The following UBAP1 variants were observed in gnomAD, a reference collection of about 807,000 sequenced individuals.
UBAP1 encodes the protein ubiquitin-associated protein 1.
In UBAP1, 5 loss-of-function variants were observed where a neutral mutation model predicts 39.0. The ratio of observed to expected loss-of-function variants is 0.13; its 90% CI spans 0.07 to 0.27. UBAP1 has a LOEUF of 0.27. Ranked by LOEUF, UBAP1 falls within the 10% of genes least tolerant of loss-of-function variation. UBAP1 has a pLI of 1.00. For synonymous variants in UBAP1, 211 were observed against 225.1 expected, an observed-to-expected ratio of 0.94 and a Z score of 0.56; for missense variants, 490 against 608.1, an observed-to-expected ratio of 0.81 and a Z score of 2.04.
At chr9:34,242,255 T>G in intron 4 of UBAP1, 147 bp downstream of exon 4, 1 of 800,900 alleles carries the variant, frequency 1.2e-6, no homozygotes, top group Non-Finnish European at 1.9e-6. Flanking sequence ...TACCTTATTG[T>G]AGCCTCGACC....
chr9:34,226,456 T>G (rs1306185297), intron 2 of UBAP1, among the ~76,000 whole-genome samples: 1 of 152,128 alleles, frequency 6.6e-6, no homozygotes, highest in African/African-American at 2.4e-5. Context: ...AGGCTGGTTT[T>G]GAACTCTTGA....
rs562859011 is a variant in UBAP1, at chr9:34,235,893, C to G, written c.159+1553C>G. 5.3e-5 allele frequency among the ~76,000 whole-genome samples: 8 copies of G among 149,990 alleles called. No homozygotes were observed. The East Asian group carries it at 1.6e-3, about 29-fold the overall frequency. On this transcript the variant is annotated intron_variant, in intron 3 of 6. Transcript: ENST00000297661. ...TGTTGCCCAGGCTGGAGTGCAATGG[C>G]GCGATCTCGTCAAGAAGAGAGACTC... is the stretch of plus-strand genomic sequence containing the variant.
chr9:34,224,027 A>G, intron 2 of UBAP1: 1 of 510,886 alleles, frequency 2.0e-6, no homozygotes, highest in South Asian at 3.3e-5. Context: ...ATAGAACTCC[A>G]ACTCCTTCCC....
At chr9:34,241,139 A>T (rs946501027) in intron 3 of UBAP1, 46 bp from the exon 4 acceptor site, 2 of 1,363,912 alleles carry the variant, frequency 1.5e-6, no homozygotes, top group East Asian at 5.0e-5. Context: ...TGGGGTAAAG[A>T]TGGCCACCTG....
At chr9:34,219,091 T>C (rs553480607) in intron 1 of UBAP1, among the ~76,000 whole-genome samples, 1 of 152,206 alleles carries the variant, frequency 6.6e-6, no homozygotes, top group African/African-American at 2.4e-5. Flanking sequence ...ATGGAAACTT[T>C]TTTTTTTTCT....
intron 4 of UBAP1, 43 bp from the exon 5 acceptor site, chr9:34,249,736 G>C (rs1217512167): frequency 6.3e-7 from 1 of 1,593,798 alleles, no homozygotes; most frequent in East Asian, 2.2e-5. Flanking sequence ...ACTTCTTTGG[G>C]GGCCCAGGTC....
chr9:34,203,169 G>A (rs1831496873), intron 1 of UBAP1, among the ~76,000 whole-genome samples: 1 of 152,110 alleles, frequency 6.6e-6, no homozygotes, highest in Non-Finnish European at 1.5e-5. Context: ...AATCAGCTAG[G>A]TGTGGTGGTA....
intron 1 of UBAP1, among the ~76,000 whole-genome samples, chr9:34,185,160 C>T (rs1439980061): frequency 6.7e-5 from 10 of 150,264 alleles, no homozygotes; most frequent in South Asian, 2.1e-4. Context: ...TCTCGAACTT[C>T]GGACCTCAGG....
chr9:34,228,396 C>T (rs922630979), intron 2 of UBAP1, among the ~76,000 whole-genome samples: 8 of 136,464 alleles, frequency 5.9e-5, no homozygotes, highest in South Asian at 2.3e-4. Context: ...CCAGCCTGGG[C>T]GACAGTGCGA....
chr9:34,213,955 CCTAA>C (rs1037118373), intron 1 of UBAP1, among the ~76,000 whole-genome samples: 31 of 151,580 alleles, frequency 2.0e-4, no homozygotes, highest in African/African-American at 7.5e-4. Context: ...TAGGAATATA[CCTAA>C]CTAAGGAGTC....
At chr9:34,231,648 T>C (rs867887961) in intron 2 of UBAP1, among the ~76,000 whole-genome samples, 98 of 117,884 alleles carry the variant, frequency 8.3e-4, no homozygotes, top group African/African-American at 2.4e-3. Context: ...TTTTTTTTTT[T>C]GTTTGTTTGT....
At chr9:34,222,989 TTC>T (rs1832842640) in intron 2 of UBAP1, among the ~76,000 whole-genome samples, 1 of 152,168 alleles carries the variant, frequency 6.6e-6, no homozygotes, top group South Asian at 2.1e-4. Flanking sequence ...AAGATAGACT[TTC>T]TGTTTTGAAT....
At chr9:34,211,325 A>G (rs1051056505) in intron 1 of UBAP1, among the ~76,000 whole-genome samples, 3 of 152,204 alleles carry the variant, frequency 2.0e-5, no homozygotes, top group African/African-American at 4.8e-5. Flanking sequence ...AGTTACAAAC[A>G]TAAATGTTGC....
intron 1 of UBAP1, among the ~76,000 whole-genome samples, chr9:34,192,074 C>A (rs938781658): frequency 1.3e-5 from 2 of 151,208 alleles, no homozygotes; most frequent in African/African-American, 4.9e-5. Context: ...TAATTCCTGA[C>A]CTCAAGTGAT....
intron 2 of UBAP1, among the ~76,000 whole-genome samples, chr9:34,226,140 TGTGTG>T (rs1833082441): frequency 1.5e-5 from 2 of 133,160 alleles, no homozygotes; most frequent in African/African-American, 5.0e-5. Context: ...TGTGTGTGTG[TGTGTG>T]TGTGTGTGTG....
At chr9:34,206,509 C>CA (rs773775155) in intron 1 of UBAP1, among the ~76,000 whole-genome samples, 6 of 146,960 alleles carry the variant, frequency 4.1e-5, no homozygotes, top group Admixed American at 6.9e-5. Context: ...GACCCTGTCT[C>CA]AAAAAAAAGA....
intron 2 of UBAP1, among the ~76,000 whole-genome samples, chr9:34,229,312 C>A (rs1002182560): frequency 8.6e-5 from 13 of 150,724 alleles, no homozygotes; most frequent in African/African-American, 2.9e-4. Flanking sequence ...GGCTGCAGTG[C>A]AATGACGTGA....
intron 2 of UBAP1, among the ~76,000 whole-genome samples, chr9:34,232,803 A>C (rs915346420): frequency 3.9e-5 from 6 of 152,244 alleles, no homozygotes; most frequent in African/African-American, 1.4e-4. Flanking sequence ...GCTGAGAGGT[A>C]AACCTTCCTT....
At chr9:34,238,193 C>T (rs1833797232) in intron 3 of UBAP1, among the ~76,000 whole-genome samples, 1 of 152,164 alleles carries the variant, frequency 6.6e-6, no homozygotes, top group South Asian at 2.1e-4. Context: ...GGTATTAGTA[C>T]TTCATTTATT....
Sources: allele counts gnomAD v4.1 joint callset (sites outside exome capture counted in the v4.1 genomes callset), GRCh38; gene constraint gnomAD v4.1.1; transcripts MANE v1.5; gene names NCBI Gene and HGNC (gene_info 2026-07-23, HGNC 2026-07-21).